Variants in FRZB observed in about 807,000 individuals in gnomAD.
FRZB encodes the protein frizzled related protein.
Under a neutral mutation model 32.5 loss-of-function variants are expected in FRZB, and 34 were observed. The observed-to-expected ratio is 1.05, with a 90% CI of 0.80 to 1.39. The LOEUF is 1.39. FRZB is among the 40% of genes most tolerant of loss of function. FRZB has a pLI of 0.00. For missense variants in FRZB, 423 were observed against 424.8 expected (o/e 1.00, Z 0.04); for synonymous variants, 170 against 159.2 (o/e 1.07, Z -0.51).
chr2:182,838,313 C>A (rs1695549535), intron 4 of FRZB, 96 bp downstream of exon 4: 1 of 1,031,852 alleles, frequency 9.7e-7, no homozygotes, highest in Non-Finnish European at 1.5e-6. Flanking sequence ...TAGACAGATC[C>A]CAATGTAAAA....
intron 2 of FRZB, among the ~76,000 whole-genome samples, chr2:182,844,953 C>T (rs1242207618): frequency 1.3e-5 from 2 of 152,044 alleles, no homozygotes; most frequent in Non-Finnish European, 2.9e-5. Flanking sequence ...GACAATATGT[C>T]CCAATCCCTA....
chr2:182,864,347 A>T (rs34528848), intron 1 of FRZB, among the ~76,000 whole-genome samples: 68,869 of 152,068 alleles, frequency 0.45, 17,255 homozygotes, highest in Non-Finnish European at 0.56. Context: ...CCTCATTCCT[A>T]GCCCTTGGCC....
At chr2:182,851,104 T>G (rs1398199719) in intron 2 of FRZB, among the ~76,000 whole-genome samples, 2 of 152,258 alleles carry the variant, frequency 1.3e-5, no homozygotes, top group African/African-American at 4.8e-5. Context: ...TTGTCAGAGT[T>G]GCTTATATAT....
chr2:182,838,241 C>T (rs1695549005), intron 4 of FRZB, among the ~76,000 whole-genome samples, 168 bp downstream of exon 4: 1 of 151,986 alleles, frequency 6.6e-6, no homozygotes, highest in South Asian at 2.1e-4. Flanking sequence ...TACACGCATA[C>T]ACCCATTCCA....
chr2:182,850,806 T>C (rs1695701606), intron 2 of FRZB, among the ~76,000 whole-genome samples: 1 of 152,186 alleles, frequency 6.6e-6, no homozygotes, highest in Non-Finnish European at 1.5e-5. Flanking sequence ...TCCCTATTGT[T>C]TTCCTTAGTG....
intron 2 of FRZB, among the ~76,000 whole-genome samples, chr2:182,843,455 T>C (rs1260449690): frequency 3.9e-5 from 6 of 152,064 alleles, no homozygotes; most frequent in Admixed American, 3.9e-4. Context: ...AAGTAGAAAA[T>C]AATACACAAT....
intron 1 of FRZB, among the ~76,000 whole-genome samples, chr2:182,861,813 A>T (rs1695834282): frequency 6.6e-6 from 1 of 152,226 alleles, no homozygotes; most frequent in African/African-American, 2.4e-5. Flanking sequence ...TTGAAGGTTT[A>T]GTGGGAATGA....
chr2:182,847,672 C>T (rs966143906), intron 2 of FRZB, among the ~76,000 whole-genome samples: 1 of 152,162 alleles, frequency 6.6e-6, no homozygotes, highest in Non-Finnish European at 1.5e-5. Context: ...CTTTTACCTT[C>T]TCATTGAAGA....
At chr2:182,842,629 G>T (rs1695598674) in intron 2 of FRZB, 86 bp from the exon 3 acceptor site, 3 of 1,021,784 alleles carry the variant, frequency 2.9e-6, no homozygotes, top group Admixed American at 3.8e-5. Context: ...GCTCAGACTA[G>T]ATCTCAATTT....
chr2:182,859,204 C>T (rs564048980), intron 1 of FRZB, among the ~76,000 whole-genome samples: 3 of 151,572 alleles, frequency 2.0e-5, no homozygotes, highest in Non-Finnish European at 4.4e-5. Context: ...AAAAACCAAA[C>T]GCATCTTCAA....
chr2:182,860,985 T>C (rs916656325), intron 1 of FRZB, among the ~76,000 whole-genome samples: 1 of 151,780 alleles, frequency 6.6e-6, no homozygotes, highest in African/African-American at 2.4e-5. Flanking sequence ...AAATGATGAG[T>C]TCACGCTGGG....
chr2:182,847,510 C>T lies in FRZB; in HGVS notation c.527-4967G>A, dbSNP rs116512756. Among the ~76,000 whole-genome samples, 615 of 152,224 alleles carry T rather than the reference C, an allele frequency of 4.0e-3. 4 individuals carry two copies. Among genetic ancestry groups the T allele is most frequent in the Non-Finnish European group, 6.5e-3 (443 of 68,010 alleles). On this transcript the variant is annotated intron_variant, in intron 2 of 5. Coordinates refer to ENST00000295113, the MANE Select transcript of FRZB (RefSeq NM_001463.4). ...AGGGTCCACTAAATTCAACTGGCAA[C>T]GTGATGACTGGACCCTGAGCAAAAG...
rs147840149 is a variant in FRZB, at chr2:182,845,258, T to C, written c.527-2715A>G. On this transcript the variant is annotated intron_variant, in intron 2 of 5. Coordinates refer to ENST00000295113, the MANE Select transcript of FRZB (RefSeq NM_001463.4). ...ATCAGAGAGAGGTATGTTGCATGCA[T>C]TAGCTGTCACCTTTTTTGTGCCTGC... Among the ~76,000 whole-genome samples the C allele has an allele frequency of 8.8e-3, 1,340 of 152,126 alleles. 17 individuals carry two copies. The highest frequency in any genetic ancestry group is 0.026 in the African/African-American group (1,089 of 41,536).
chr2:182,845,100 A>G (rs1695625853), intron 2 of FRZB, among the ~76,000 whole-genome samples: 1 of 152,174 alleles, frequency 6.6e-6, no homozygotes. Context: ...CAACCCAAAA[A>G]TTCATATCTT....
intron 2 of FRZB, among the ~76,000 whole-genome samples, chr2:182,849,133 A>C (rs1454352034): frequency 6.6e-6 from 1 of 152,094 alleles, no homozygotes; most frequent in African/African-American, 2.4e-5. Context: ...AGGCTGAGGC[A>C]GGAGAATGGT....
intron 2 of FRZB, among the ~76,000 whole-genome samples, chr2:182,849,795 C>T (rs1189523195): frequency 6.6e-6 from 1 of 152,146 alleles, no homozygotes; most frequent in African/African-American, 2.4e-5. Flanking sequence ...TGGAAAATTT[C>T]AAATAAACTG....
At position 182,841,636 on chromosome 2, in the gene FRZB, G is replaced by A. The variant is rs372732217; in HGVS notation, c.592+842C>T. 1.1e-4 allele frequency among the ~76,000 whole-genome samples: 16 copies of A among 152,062 alleles called. No homozygotes were observed. In the South Asian group the frequency reaches 2.3e-3, roughly 22 times the overall value. ...AAATATCAGTCCCTTATGTGTCAACGGGAAAGCTCTGTTAATTGCCCTTTC... is the reference window on the plus strand; with the variant it reads ...AAATATCAGTCCCTTATGTGTCAACAGGAAAGCTCTGTTAATTGCCCTTTC... On this transcript the variant is annotated intron_variant, in intron 3 of 5. Coordinates refer to ENST00000295113, the MANE Select transcript of FRZB (RefSeq NM_001463.4).
intron 1 of FRZB, among the ~76,000 whole-genome samples, chr2:182,864,438 G>T (rs561171760): frequency 1.3e-5 from 2 of 152,304 alleles, no homozygotes; most frequent in African/African-American, 4.8e-5. Flanking sequence ...TCCAGACTCT[G>T]CAGTCTGTGA....
In FRZB at chr2:182,834,906, A is replaced by T. The variant is rs576011067; in HGVS notation, c.921T>A (p.Asp307Glu). Residue 307 changes from aspartate (D) to glutamate (E), a missense_variant, in exon 6 of 6, where the codon GAT (aspartate) becomes GAA (glutamate). Transcript: ENST00000295113. ...TGCCAGACTTCTGACTCTGAGTGGAATCACTATTGCTAGAATCACTTTTAC... is the reference window on the plus strand; with the variant it reads ...TGCCAGACTTCTGACTCTGAGTGGATTCACTATTGCTAGAATCACTTTTAC... The part of the protein sequence containing the change: ...GLSKSDSSNS[D>E]STQSQKSGRN... The T allele has an allele frequency of 6.2e-7, 1 of 1,613,446 alleles. No individual in the cohort carries two copies. Among genetic ancestry groups the T allele is most frequent in the Admixed American group, 1.7e-5 (1 of 59,902 alleles).
Sources: allele counts gnomAD v4.1 joint callset (sites outside exome capture counted in the v4.1 genomes callset), GRCh38; gene constraint gnomAD v4.1.1; transcripts MANE v1.5; gene names NCBI Gene and HGNC (gene_info 2026-07-23, HGNC 2026-07-21).